The following SLC25A48 variants were observed in gnomAD, a reference collection of about 807,000 sequenced individuals.
SLC25A48 encodes the protein CTC-321K16.1.
SLC25A48 carries 29 observed loss-of-function variants against 32.2 expected under a neutral mutation model. That is an observed-to-expected ratio of 0.90 (90% CI 0.67 to 1.23). The LOEUF (loss-of-function observed/expected upper bound fraction) is 1.23. Among genes scored for constraint, SLC25A48 ranks in the 50% most tolerant of loss-of-function variants. The pLI, the probability that SLC25A48 is intolerant of heterozygous loss-of-function variation, is 0.00. For synonymous variants in SLC25A48, 164 were observed against 172.3 expected, an observed-to-expected ratio of 0.95 and a Z score of 0.38; for missense variants, 399 against 422.7, an observed-to-expected ratio of 0.94 and a Z score of 0.49.
intron 3 of SLC25A48, among the ~76,000 whole-genome samples, chr5:135,660,474 A>C (rs774578904): frequency 6.6e-6 from 1 of 152,132 alleles, no homozygotes; most frequent in Non-Finnish European, 1.5e-5. Context: ...TGCCATTTGG[A>C]TGGATAAAGA....
intron 3 of SLC25A48, among the ~76,000 whole-genome samples, chr5:135,808,870 T>G (rs2126649389): frequency 6.6e-6 from 1 of 152,276 alleles, no homozygotes; most frequent in Admixed American, 6.5e-5. Context: ...AAAGACCATT[T>G]GAGAGTTAGA....
intron 3 of SLC25A48, among the ~76,000 whole-genome samples, chr5:135,799,844 A>G (rs1401967914): frequency 2.6e-5 from 4 of 151,744 alleles, no homozygotes; most frequent in Non-Finnish European, 4.4e-5. Context: ...AAGAGTGTAC[A>G]ACCCTCTTGT....
chr5:135,751,692 G>C lies in SLC25A48; in HGVS notation c.-520-60831G>C, dbSNP rs145921684. On this transcript the variant is annotated intron_variant, in intron 3 of 10. Coordinates refer to the SLC25A48 transcript ENST00000646290. ...CTACAAAAAATGTAAAAATTAACTG[G>C]GCATGGTGGTGCGTGCCTGTAGTCC... 5.1e-3 allele frequency among the ~76,000 whole-genome samples: 783 copies of C among 152,134 alleles called. 4 individuals are homozygous for C. Among genetic ancestry groups the C allele is most frequent in the African/African-American group, 0.018 (751 of 41,502 alleles).
At chr5:135,845,117 T>C (rs921311329) in intron 2 of SLC25A48, among the ~76,000 whole-genome samples, 10 of 152,296 alleles carry the variant, frequency 6.6e-5, no homozygotes, top group Middle Eastern at 3.4e-3. Flanking sequence ...AAAACCAAGG[T>C]GTTGATGCCT....
intron 3 of SLC25A48, among the ~76,000 whole-genome samples, chr5:135,801,612 C>T (rs1359132239): frequency 2.6e-5 from 4 of 151,124 alleles, no homozygotes; most frequent in East Asian, 3.9e-4. Context: ...CCCTCTGTTA[C>T]ATTTTTCATA....
At chr5:135,693,271 G>C (rs939806039) in intron 3 of SLC25A48, among the ~76,000 whole-genome samples, 2 of 152,206 alleles carry the variant, frequency 1.3e-5, no homozygotes, top group African/African-American at 4.8e-5. Context: ...ACTCTGGGTT[G>C]GAAACCTGTT....
At chr5:135,654,004 C>T in intron 3 of SLC25A48, 1 of 430,638 alleles carries the variant, frequency 2.3e-6, no homozygotes. Context: ...CATATAGAGC[C>T]CCTGTTTCTT....
intron 2 of SLC25A48, among the ~76,000 whole-genome samples, chr5:135,848,066 G>T (rs150737092): frequency 5.3e-5 from 8 of 152,156 alleles, no homozygotes; most frequent in Admixed American, 5.2e-4. Flanking sequence ...TATCACTGGG[G>T]GCCCTAGAGA....
intron 3 of SLC25A48, among the ~76,000 whole-genome samples, chr5:135,670,628 G>A (rs1753633929): frequency 6.6e-6 from 1 of 152,228 alleles, no homozygotes; most frequent in African/African-American, 2.4e-5. Flanking sequence ...GATAGTGCAT[G>A]TTCAGTGCTT....
intron 2 of SLC25A48, among the ~76,000 whole-genome samples, chr5:135,630,551 A>G (rs964162948): frequency 3.4e-5 from 5 of 147,268 alleles, no homozygotes; most frequent in African/African-American, 1.0e-4. Flanking sequence ...TGGAAGGATA[A>G]GAGATGAAAG....
intron 3 of SLC25A48, among the ~76,000 whole-genome samples, chr5:135,777,391 T>G (rs1756592555): frequency 4.0e-5 from 6 of 151,608 alleles, no homozygotes; most frequent in Non-Finnish European, 1.5e-5. Flanking sequence ...ACAGCCCCAG[T>G]GTGATTTTTT....
chr5:135,859,066 C>G (rs1210856851), intron 4 of SLC25A48, among the ~76,000 whole-genome samples: 2 of 152,080 alleles, frequency 1.3e-5, no homozygotes, highest in Non-Finnish European at 2.9e-5. Flanking sequence ...CCTCAGGAAC[C>G]CTCTAGGCTA....
intron 7 of SLC25A48, among the ~76,000 whole-genome samples, chr5:135,886,634 T>TATAA (rs1235553268): frequency 0.096 from 2,767 of 28,826 alleles, 400 homozygotes; most frequent in East Asian, 0.15. Context: ...TATATATATA[T>TATAA]ATAAAATATA....
chr5:135,789,269 G>A (rs1756952585), intron 3 of SLC25A48, among the ~76,000 whole-genome samples: 3 of 43,314 alleles, frequency 6.9e-5, no homozygotes, highest in African/African-American at 9.6e-5. Flanking sequence ...TGTGGCAGGG[G>A]GTGTACACCC....
At chr5:135,880,449 G>C (rs1461140803) in intron 7 of SLC25A48, among the ~76,000 whole-genome samples, 1 of 152,114 alleles carries the variant, frequency 6.6e-6, no homozygotes, top group East Asian at 1.9e-4. Context: ...AGTGAGGACT[G>C]CAACCAGGGT....
chr5:135,665,997 A>G (rs1476114876), intron 3 of SLC25A48, among the ~76,000 whole-genome samples: 1 of 152,124 alleles, frequency 6.6e-6, no homozygotes, highest in African/African-American at 2.4e-5. Context: ...CCTTAAACCC[A>G]CTGTGAGCAC....
intron 3 of SLC25A48, among the ~76,000 whole-genome samples, chr5:135,808,855 C>G (rs1757529281): frequency 1.3e-5 from 2 of 152,132 alleles, no homozygotes; most frequent in African/African-American, 4.8e-5. Flanking sequence ...TCATACTCTA[C>G]TAACAAAGAC....
chr5:135,765,293 G>T lies in SLC25A48; in HGVS notation c.-520-47230G>T, dbSNP rs546556599. On this transcript the variant is annotated intron_variant, in intron 3 of 10. Transcript: ENST00000646290. ...GTGATATGATTTGTGATATTCAGGGGTAAGAGGGTAATGTTACTTTCCATA... is the reference window on the plus strand; with the variant it reads ...GTGATATGATTTGTGATATTCAGGGTTAAGAGGGTAATGTTACTTTCCATA... Among the ~76,000 whole-genome samples, 4 of 151,654 alleles carry T rather than the reference G, an allele frequency of 2.6e-5. No homozygotes were observed. The East Asian group carries it at 7.8e-4, about 30-fold the overall frequency.
intron 1 of SLC25A48, among the ~76,000 whole-genome samples, chr5:135,612,623 G>C (rs1752099998): frequency 6.6e-6 from 1 of 152,238 alleles, no homozygotes; most frequent in Admixed American, 6.5e-5. Flanking sequence ...TCCCACGTAT[G>C]AGTAAGAACA....
Sources: gnomAD v4.1 joint callset for allele counts (sites outside exome capture counted in the v4.1 genomes callset) on GRCh38, gnomAD v4.1.1 for gene constraint, MANE v1.5 for transcripts, NCBI Gene and HGNC (gene_info 2026-07-23, HGNC 2026-07-21) for gene names.